Variants in CPQ observed in about 807,000 individuals in gnomAD.
CPQ encodes the protein carboxypeptidase Q, also known as Ser-Met dipeptidase.
A neutral mutation model predicts 45.7 loss-of-function variants in CPQ; 37 were observed. That is an observed-to-expected ratio of 0.81 (90% confidence interval 0.62 to 1.07). The LOEUF (loss-of-function observed/expected upper bound fraction) is 1.07. Ranked by LOEUF, CPQ falls within the 50% of genes least tolerant of loss-of-function variation. CPQ has a pLI of 0.00. For synonymous variants in CPQ, 186 were observed against 205.8 expected (o/e 0.90, Z 0.82); for missense variants, 537 against 572.9 (o/e 0.94, Z 0.64).
chr8:96,879,825 G>C lies in CPQ; in HGVS notation c.669G>C (p.Gln223His). The C allele has an allele frequency of 6.2e-7, 1 of 1,614,062 alleles. No homozygotes were observed. Among genetic ancestry groups the C allele is most frequent in the Non-Finnish European group, 8.5e-7 (1 of 1,179,946 alleles). The change falls in exon 4 of 8, where the codon CAG becomes CAC. Residue 223 changes from glutamine (Q) to histidine (H), a missense_variant. Physicochemically the swap from Gln to His is conservative, Grantham distance 24 (BLOSUM62 0). Transcript: ENST00000220763. The part of the protein sequence containing the change: ...YSPHTGIQEY[Q>H]DGVPKIPTAC... Reference sequence around the variant, plus strand: ...CTCACACAGGTATTCAGGAATACCAGGATGGCGTGCCCAAGATTCCAACAG... The same window carrying C: ...CTCACACAGGTATTCAGGAATACCACGATGGCGTGCCCAAGATTCCAACAG...
At chr8:97,045,461 C>T (rs529867730) in intron 6 of CPQ, among the ~76,000 whole-genome samples, 2 of 152,316 alleles carry the variant, frequency 1.3e-5, no homozygotes, top group South Asian at 4.1e-4. Flanking sequence ...ATGCCTCGCC[C>T]TCCTTCAGCT....
At chr8:96,903,440 G>A (rs189107087) in intron 4 of CPQ, among the ~76,000 whole-genome samples, 68 of 152,296 alleles carry the variant, frequency 4.5e-4, no homozygotes, top group Middle Eastern at 6.8e-3. Context: ...AGAAGTTGTT[G>A]TAAGGTGAGT....
At chr8:96,654,243 C>T (rs1815612269) in intron 1 of CPQ, among the ~76,000 whole-genome samples, 1 of 152,172 alleles carries the variant, frequency 6.6e-6, no homozygotes, top group Admixed American at 6.5e-5. Context: ...TATCTTGACA[C>T]CTTCATTCAC....
chr8:96,828,633 C>T (rs1811408355), intron 2 of CPQ, among the ~76,000 whole-genome samples: 1 of 152,006 alleles, frequency 6.6e-6, no homozygotes, highest in South Asian at 2.1e-4. Context: ...CATTATGCTT[C>T]CTGCTGCTCA....
At chr8:97,101,507 G>C (rs939118400) in intron 7 of CPQ, among the ~76,000 whole-genome samples, 4 of 149,562 alleles carry the variant, frequency 2.7e-5, no homozygotes, top group Non-Finnish European at 5.9e-5. Flanking sequence ...TAGAGACTCT[G>C]AGTCTAAAGC....
intron 2 of CPQ, among the ~76,000 whole-genome samples, chr8:96,791,577 C>T (rs1034964986): frequency 2.0e-5 from 3 of 152,102 alleles, no homozygotes; most frequent in African/African-American, 4.8e-5. Context: ...TCACTTTCAC[C>T]CCACTCCTCG....
At chr8:96,892,895 T>C (rs1031744231) in intron 4 of CPQ, among the ~76,000 whole-genome samples, 1 of 152,200 alleles carries the variant, frequency 6.6e-6, no homozygotes, top group African/African-American at 2.4e-5. Flanking sequence ...CACCTTGCCT[T>C]TTTCAATGAT....
intron 1 of CPQ, among the ~76,000 whole-genome samples, chr8:96,704,842 T>G (rs1282069659): frequency 2.0e-5 from 3 of 152,170 alleles, no homozygotes; most frequent in African/African-American, 7.2e-5. Flanking sequence ...TGGGAAATCT[T>G]TGATTCAAAG....
chr8:96,993,888 T>C (rs1428210700), intron 5 of CPQ, among the ~76,000 whole-genome samples: 1 of 152,126 alleles, frequency 6.6e-6, no homozygotes, highest in Non-Finnish European at 1.5e-5. Flanking sequence ...ACAGAAAGAA[T>C]TAATGTTTAC....
At chr8:96,989,947 C>G (rs956752560) in intron 5 of CPQ, among the ~76,000 whole-genome samples, 1 of 152,150 alleles carries the variant, frequency 6.6e-6, no homozygotes, top group Non-Finnish European at 1.5e-5. Context: ...GGTTTTCTGA[C>G]TTGTGGCCCA....
intron 2 of CPQ, among the ~76,000 whole-genome samples, chr8:96,790,131 A>C (rs1810827568): frequency 6.6e-6 from 1 of 152,154 alleles, no homozygotes. Flanking sequence ...TAAGTAGGGA[A>C]TTCTCCGTTC....
At chr8:97,080,907 C>CCCTTCTTTCCTTCCTTCCTTCCTT in intron 7 of CPQ, among the ~76,000 whole-genome samples, 1 of 139,752 alleles carries the variant, frequency 7.2e-6, no homozygotes. Flanking sequence ...TTAGTACCCA[C>CCCTTCTTTCCTTCCTTCCTTCCTT]CCTTCTTTCC....
intron 7 of CPQ, among the ~76,000 whole-genome samples, chr8:97,118,122 T>C (rs1811626377): frequency 6.6e-6 from 1 of 152,200 alleles, no homozygotes; most frequent in South Asian, 2.1e-4. Flanking sequence ...AAAAATCATT[T>C]ATTTAGTATT....
intron 4 of CPQ, among the ~76,000 whole-genome samples, chr8:96,944,216 C>T (rs1813159457): frequency 6.6e-6 from 1 of 152,058 alleles, no homozygotes; most frequent in South Asian, 2.1e-4. Flanking sequence ...AAAATATCCT[C>T]TGGCCCACCA....
chr8:96,771,789 GGT>G (rs1441564620), intron 1 of CPQ, among the ~76,000 whole-genome samples: 1 of 152,098 alleles, frequency 6.6e-6, no homozygotes, highest in African/African-American at 2.4e-5. Flanking sequence ...TTTTATGCCT[GGT>G]GGCTGTGCTA....
At chr8:97,065,290 G>A (rs879708434) in intron 6 of CPQ, among the ~76,000 whole-genome samples, 10 of 152,152 alleles carry the variant, frequency 6.6e-5, no homozygotes, top group Admixed American at 2.0e-4. Context: ...AATTTGTGCC[G>A]TGACAATATT....
intron 1 of CPQ, among the ~76,000 whole-genome samples, chr8:96,738,645 G>A (rs13250251): frequency 1.3e-5 from 2 of 151,892 alleles, no homozygotes; most frequent in East Asian, 1.9e-4. Flanking sequence ...AGAGTGTGAT[G>A]TTCCCCTTCC....
intron 1 of CPQ, among the ~76,000 whole-genome samples, chr8:96,744,184 C>T (rs551485848): frequency 7.2e-4 from 90 of 125,018 alleles, no homozygotes; most frequent in African/African-American, 2.5e-3. Context: ...CCTGGTTCGC[C>T]GTTTTTTAAG....
chr8:97,057,468 G>A (rs1339535673), intron 6 of CPQ, among the ~76,000 whole-genome samples: 1 of 152,070 alleles, frequency 6.6e-6, no homozygotes, highest in Non-Finnish European at 1.5e-5. Flanking sequence ...AGGAGATGGT[G>A]GTGCACTTTC....
Sources: allele counts gnomAD v4.1 joint callset (sites outside exome capture counted in the v4.1 genomes callset), GRCh38; gene constraint gnomAD v4.1.1; transcripts MANE v1.5; gene names NCBI Gene and HGNC (gene_info 2026-07-23, HGNC 2026-07-21).